CLEC16A: variants seen among roughly 807,000 people sequenced by gnomAD.
CLEC16A encodes the protein C-type lectin domain containing 16A, also known as protein CLEC16A.
Under a neutral mutation model 109.5 loss-of-function variants are expected in CLEC16A, and 51 were observed. That is an observed-to-expected ratio of 0.47 (90% CI 0.37 to 0.59). The LOEUF (loss-of-function observed/expected upper bound fraction) is 0.59. Among genes scored for constraint, CLEC16A ranks in the 20% least tolerant of loss-of-function variants. The pLI is 0.00. For synonymous variants in CLEC16A, 673 were observed against 564.2 expected (o/e 1.19, Z -2.73); for missense variants, 1,339 against 1,394.0 (o/e 0.96, Z 0.63).
At position 11,166,383 on chromosome 16, in the gene CLEC16A, T is replaced by C; in HGVS notation, c.2642-5T>C. On this transcript the variant is annotated splice_polypyrimidine_tract_variant and splice_region_variant and intron_variant, in intron 22 of 23. Coordinates refer to ENST00000409790, the MANE Select transcript of CLEC16A (RefSeq NM_015226.3). The stretch of plus-strand genomic sequence containing the variant: ...CACTTGGTCACCTGGTACTTTGTCT[T>C]GCAGGCTTCGCCGTGGCCCAGTGCA... 6.3e-7 allele frequency: 1 copy of C among 1,594,648 alleles called. No homozygotes were observed. The highest frequency in any genetic ancestry group is 2.3e-5 in the East Asian group (1 of 44,422).
intron 18 of CLEC16A, among the ~76,000 whole-genome samples, chr16:11,055,459 G>A (rs1244695375): frequency 1.3e-5 from 2 of 150,460 alleles, no homozygotes; most frequent in Non-Finnish European, 3.0e-5. Flanking sequence ...AGTGTGGCAT[G>A]TTCAAGGAGC....
At chr16:11,076,095 C>G (rs550152483) in intron 19 of CLEC16A, among the ~76,000 whole-genome samples, 3 of 152,138 alleles carry the variant, frequency 2.0e-5, no homozygotes, top group Admixed American at 2.0e-4. Flanking sequence ...AAAACTGGGA[C>G]TAGGGGGTCA....
At position 11,174,354 on chromosome 16, in the gene CLEC16A, G is replaced by A. The variant is rs566578363; in HGVS notation, c.2807-3981G>A. 8 of 399,390 alleles carry A rather than the reference G, an allele frequency of 2.0e-5. No homozygotes were observed. The highest frequency in any genetic ancestry group is 1.2e-4 in the South Asian group (7 of 57,484). The allele number at this position is 399,390 out of a possible 1,614,324, so 24.7% of individuals were successfully genotyped here. A position where few individuals can be genotyped will look rare whatever the true frequency, so the allele number is the denominator to read the frequency against. ...CATTTCCACAGTCGGCAGGGTCCGC[G>A]CTGGCAAGGTGGGCCAAGCTGGGCC... On this transcript the variant is annotated intron_variant, in intron 23 of 23. Coordinates refer to ENST00000409790, the MANE Select transcript of CLEC16A (RefSeq NM_015226.3). The surrounding 1 kb of genome is among the most constrained non-coding windows in gnomAD (Gnocchi z 4.7).
At chr16:11,075,498 T>C (rs1190443876) in intron 19 of CLEC16A, among the ~76,000 whole-genome samples, 2 of 151,632 alleles carry the variant, frequency 1.3e-5, no homozygotes, top group African/African-American at 4.8e-5. Flanking sequence ...GTGCGTGGCA[T>C]AATCATAGCT....
chr16:10,972,484 C>G, intron 5 of CLEC16A, 70 bp from the exon 6 acceptor site: 1 of 1,477,846 alleles, frequency 6.8e-7, no homozygotes. Flanking sequence ...CTTCCCAGGT[C>G]CTAACCCTGT....
chr16:11,039,391 T>C (rs953493978), intron 13 of CLEC16A, among the ~76,000 whole-genome samples: 6 of 152,230 alleles, frequency 3.9e-5, no homozygotes, highest in Non-Finnish European at 7.3e-5. Context: ...AGAAAATGTA[T>C]GTTTTAATAC....
chr16:11,014,297 C>T (rs148338764), intron 11 of CLEC16A, among the ~76,000 whole-genome samples: 77 of 152,352 alleles, frequency 5.1e-4, no homozygotes, highest in African/African-American at 1.7e-3. Flanking sequence ...CATTCCTTTT[C>T]ACAGCTGTGC....
intron 19 of CLEC16A, among the ~76,000 whole-genome samples, chr16:11,086,073 ACT>A (rs1256555433): frequency 2.0e-5 from 3 of 152,206 alleles, no homozygotes; most frequent in Admixed American, 1.3e-4. Flanking sequence ...GCGCAGAGCC[ACT>A]GTTTGTTGAA....
intron 22 of CLEC16A, among the ~76,000 whole-genome samples, chr16:11,135,838 C>A (rs1369466872): frequency 6.6e-6 from 1 of 152,246 alleles, no homozygotes; most frequent in African/African-American, 2.4e-5. Context: ...TGGCCACACA[C>A]CCCGTGTGCT....
chr16:11,149,885 G>A (rs977546432), intron 22 of CLEC16A: 1 of 151,786 alleles, frequency 6.6e-6, no homozygotes, highest in African/African-American at 2.4e-5. Context: ...TATTTTTCCA[G>A]ACCCTTCTCT....
chr16:11,010,118 C>A (rs1462015233), intron 11 of CLEC16A, among the ~76,000 whole-genome samples: 1 of 151,282 alleles, frequency 6.6e-6, no homozygotes, highest in African/African-American at 2.4e-5. Flanking sequence ...GTGCCACACA[C>A]TCCAGCCGGG....
At chr16:11,037,493 C>T (rs1012503701) in intron 13 of CLEC16A, among the ~76,000 whole-genome samples, 7 of 152,192 alleles carry the variant, frequency 4.6e-5, no homozygotes, top group East Asian at 1.9e-4. Flanking sequence ...CATCTTGGGA[C>T]GCTTTTCTTC....
At chr16:10,979,978 C>A (rs1331817224) in intron 9 of CLEC16A, among the ~76,000 whole-genome samples, 1 of 152,138 alleles carries the variant, frequency 6.6e-6, no homozygotes, top group Non-Finnish European at 1.5e-5. Context: ...AAGGGAAAAA[C>A]TCCATGGCGA....
chr16:10,991,423 C>CAAAAAAAAAAA (rs756161193), intron 10 of CLEC16A, among the ~76,000 whole-genome samples: 3 of 63,376 alleles, frequency 4.7e-5, no homozygotes, highest in African/African-American at 1.3e-4. Context: ...GACTCCGTCT[C>CAAAAAAAAAAA]AAAAAAAAAA....
At chr16:11,074,028 A>G (rs1406948482) in intron 19 of CLEC16A, among the ~76,000 whole-genome samples, 1 of 152,238 alleles carries the variant, frequency 6.6e-6, no homozygotes, top group Non-Finnish European at 1.5e-5. Flanking sequence ...CTCTAATGAC[A>G]TATACCAAGT....
chr16:11,003,244 C>T lies in CLEC16A; in HGVS notation c.1242C>T (p.Ala414=), dbSNP rs780212753. 20 of 1,613,044 alleles carry T rather than the reference C, an allele frequency of 1.2e-5. No individual in the cohort carries two copies. The highest frequency in any genetic ancestry group is 1.8e-4 in the Middle Eastern group (1 of 5,486). The change falls in exon 11 of 24, where the codon GCC becomes GCT. Residue 414 remains alanine (A), a synonymous_variant. Coordinates refer to ENST00000409790, the MANE Select transcript of CLEC16A (RefSeq NM_015226.3). The part of the protein sequence containing the change: ...KGPTEDAQED[A]EKAKGTEGGS... ...CCACCGAGGATGCCCAAGAAGACGC[C>T]GAGAAGGCTAAAGGTACAGAGGGTG...
chr16:11,096,917 G>C (rs1468005920), intron 19 of CLEC16A, among the ~76,000 whole-genome samples: 1 of 152,196 alleles, frequency 6.6e-6, no homozygotes, highest in African/African-American at 2.4e-5. Flanking sequence ...AAACGGTACA[G>C]GTGGTACAAC....
At chr16:11,047,685 C>T (rs1381142521) in intron 17 of CLEC16A, 8 of 167,382 alleles carry the variant, frequency 4.8e-5, no homozygotes, top group Non-Finnish European at 1.0e-4. Flanking sequence ...CACCAACCAA[C>T]GGTAATAGCT....
At chr16:11,098,483 G>C in intron 19 of CLEC16A, among the ~76,000 whole-genome samples, 1 of 152,216 alleles carries the variant, frequency 6.6e-6, no homozygotes, top group East Asian at 1.9e-4. Context: ...GGAGACGTGG[G>C]GTCCCAGCTG....
Sources: allele counts gnomAD v4.1 joint callset (sites outside exome capture counted in the v4.1 genomes callset), GRCh38; gene constraint gnomAD v4.1.1; non-coding constraint Gnocchi (gnomAD v3.1); transcripts MANE v1.5; gene names NCBI Gene and HGNC (gene_info 2026-07-23, HGNC 2026-07-21).